CPED1: variants seen among roughly 807,000 people sequenced by gnomAD.
The protein encoded by CPED1 is cadherin like and PC-esterase domain containing 1, also known as cadherin-like and PC-esterase domain-containing protein 1.
Under a neutral mutation model 128.2 loss-of-function variants are expected in CPED1, and 114 were observed. The observed-to-expected ratio is 0.89, with a 90% CI of 0.76 to 1.04. CPED1 has a LOEUF of 1.04. Among genes scored for constraint, CPED1 ranks in the 50% least tolerant of loss-of-function variants. The pLI, the probability that CPED1 is intolerant of heterozygous loss-of-function variation, is 0.00. For missense variants in CPED1, 1,211 were observed against 1,207.1 expected (o/e 1.00, Z -0.05); for synonymous variants, 462 against 426.7 (o/e 1.08, Z -1.02).
At chr7:121,152,010 C>T (rs1026499632) in intron 16 of CPED1, among the ~76,000 whole-genome samples, 4 of 152,150 alleles carry the variant, frequency 2.6e-5, no homozygotes, top group Admixed American at 1.3e-4. Context: ...GACACTTTAC[C>T]GCCTGACATA....
At chr7:121,224,787 CTTTTTTT>C (rs143087799) in intron 16 of CPED1, among the ~76,000 whole-genome samples, 2 of 56,252 alleles carry the variant, frequency 3.6e-5, no homozygotes, top group South Asian at 2.1e-3. Flanking sequence ...GCAACCCCTG[CTTTTTTT>C]TTTTTTTTTT....
intron 5 of CPED1, among the ~76,000 whole-genome samples, chr7:121,087,427 C>T (rs1315350448): frequency 6.6e-6 from 1 of 152,112 alleles, no homozygotes; most frequent in Non-Finnish European, 1.5e-5. Context: ...ATAATAAAGA[C>T]TTGGTTCCCA....
intron 16 of CPED1, among the ~76,000 whole-genome samples, chr7:121,199,028 TC>T: frequency 6.6e-6 from 1 of 152,268 alleles, no homozygotes; most frequent in African/African-American, 2.4e-5. Context: ...AACTCTACAG[TC>T]TATGAGTGCC....
At chr7:121,104,973 G>A (rs1294931387) in intron 7 of CPED1, among the ~76,000 whole-genome samples, 1 of 152,054 alleles carries the variant, frequency 6.6e-6, no homozygotes, top group Non-Finnish European at 1.5e-5. Flanking sequence ...CACTTTGATA[G>A]AGATAGGGAA....
intron 18 of CPED1, chr7:121,261,500 C>T (rs1792015637): frequency 2.3e-6 from 3 of 1,305,254 alleles, no homozygotes; most frequent in Middle Eastern, 1.9e-4. Flanking sequence ...CTATATTTCT[C>T]AGTGTCTCCT....
rs1253674004 is a variant in CPED1, at chr7:121,046,914, T to A, written c.461T>A (p.Ile154Asn). The A allele has an allele frequency of 5.0e-6, 8 of 1,612,130 alleles. No individual in the cohort carries two copies. The highest frequency in any genetic ancestry group is 5.1e-6 in the Non-Finnish European group (6 of 1,178,826). ...GATCTGGGCTCTTGGGATCTGCTCA[T>A]TTGCCTGTCTTCTAAGAAAGCAGAA... ...QGDLGSWDLL[I>N]CLSSKKAEGT... Residue 154 changes from isoleucine (I) to asparagine (N), a missense_variant, in exon 4 of 23, where the codon ATT becomes AAT. Physicochemically the swap from Ile to Asn is moderately radical, Grantham distance 149. Coordinates refer to ENST00000310396, the MANE Select transcript of CPED1 (RefSeq NM_024913.5).
chr7:121,189,988 A>G (rs1797098786), intron 16 of CPED1, among the ~76,000 whole-genome samples: 1 of 151,634 alleles, frequency 6.6e-6, no homozygotes, highest in African/African-American at 2.4e-5. Flanking sequence ...AGCAAACAAA[A>G]AGAGACAAAA....
intron 16 of CPED1, among the ~76,000 whole-genome samples, chr7:121,155,622 T>C (rs1796267055): frequency 6.6e-6 from 1 of 152,200 alleles, no homozygotes; most frequent in African/African-American, 2.4e-5. Context: ...GACAGTCTTT[T>C]CAATAAATGG....
intron 16 of CPED1, among the ~76,000 whole-genome samples, chr7:121,176,826 T>C (rs989615466): frequency 6.6e-6 from 1 of 152,092 alleles, no homozygotes; most frequent in African/African-American, 2.4e-5. Context: ...ACCAAGGCAA[T>C]CTGAAGTAAA....
chr7:121,132,616 G>A (rs1039430953), intron 12 of CPED1, among the ~76,000 whole-genome samples: 2 of 151,996 alleles, frequency 1.3e-5, no homozygotes, highest in African/African-American at 4.8e-5. Context: ...AATCAATGTG[G>A]TGCACCATGT....
chr7:121,188,955 A>G (rs1482901626), intron 16 of CPED1, among the ~76,000 whole-genome samples: 1 of 152,086 alleles, frequency 6.6e-6, no homozygotes, highest in Non-Finnish European at 1.5e-5. Flanking sequence ...CTACTAAAGA[A>G]AATTGAGGCA....
chr7:121,224,787 C>CTT lies in CPED1; in HGVS notation c.2056-11906_2056-11905dup, dbSNP rs143087799. 5.2e-3 allele frequency among the ~76,000 whole-genome samples: 290 copies of CTT among 56,242 alleles called. 1 individual carries two copies. Among genetic ancestry groups the CTT allele is most frequent in the African/African-American group, 0.02 (266 of 13,096 alleles). The allele number at this position is 56,242 out of a possible 152,430, so 36.9% of individuals were successfully genotyped here. ...TCAGAGACTAGGATTGCAACCCCTG[C>CTT]TTTTTTTTTTTTTTTTTTTTTTGCT... On this transcript the variant is annotated intron_variant, in intron 16 of 22. Coordinates refer to ENST00000310396, the MANE Select transcript of CPED1 (RefSeq NM_024913.5).
At chr7:121,174,547 A>G (rs550858591) in intron 16 of CPED1, among the ~76,000 whole-genome samples, 60 of 150,830 alleles carry the variant, frequency 4.0e-4, no homozygotes, top group African/African-American at 1.0e-3. Context: ...GTGCAGTCCT[A>G]TTTCTGGGCT....
At chr7:121,173,757 AT>A (rs1349072004) in intron 16 of CPED1, among the ~76,000 whole-genome samples, 2 of 152,040 alleles carry the variant, frequency 1.3e-5, no homozygotes, top group Non-Finnish European at 2.9e-5. Flanking sequence ...CAAAAATGAT[AT>A]TGCTGGGTCA....
intron 2 of CPED1, among the ~76,000 whole-genome samples, chr7:121,001,998 C>T (rs567485966): frequency 3.3e-4 from 50 of 151,706 alleles, no homozygotes; most frequent in Non-Finnish European, 6.2e-4. Context: ...CACACACACA[C>T]ATATATATAT....
intron 7 of CPED1, among the ~76,000 whole-genome samples, chr7:121,111,266 A>C (rs1354578850): frequency 2.0e-5 from 3 of 152,048 alleles, no homozygotes; most frequent in Non-Finnish European, 1.5e-5. Context: ...TTTTCCATTC[A>C]CTTCCTCTCT....
chr7:121,062,206 C>T (rs1267970487), intron 4 of CPED1, among the ~76,000 whole-genome samples: 1 of 152,190 alleles, frequency 6.6e-6, no homozygotes, highest in Non-Finnish European at 1.5e-5. Context: ...TTACCCAGTG[C>T]TGATTCTCTT....
At chr7:121,286,247 G>A (rs1792569270) in intron 22 of CPED1, among the ~76,000 whole-genome samples, 2 of 152,124 alleles carry the variant, frequency 1.3e-5, no homozygotes, top group Non-Finnish European at 2.9e-5. Flanking sequence ...TCCCTCTAAT[G>A]ACGTGTAGGG....
intron 5 of CPED1, among the ~76,000 whole-genome samples, chr7:121,082,464 T>C (rs114754776): frequency 0.01 from 1,539 of 152,248 alleles, 23 homozygotes; most frequent in African/African-American, 0.033. Context: ...TCAAAAAACA[T>C]AATACTTGTT....
Sources: gnomAD v4.1 joint callset for allele counts (sites outside exome capture counted in the v4.1 genomes callset) on GRCh38, gnomAD v4.1.1 for gene constraint, MANE v1.5 for transcripts, NCBI Gene and HGNC (gene_info 2026-07-23, HGNC 2026-07-21) for gene names.